The following MBLAC2 variants were observed in gnomAD, a reference collection of about 807,000 sequenced individuals.
The protein encoded by MBLAC2 is acyl-coenzyme A thioesterase MBLAC2.
A neutral mutation model predicts 23.3 loss-of-function variants in MBLAC2; 24 were observed. The ratio of observed to expected loss-of-function variants is 1.03; its 90% CI spans 0.75 to 1.45. The LOEUF (loss-of-function observed/expected upper bound fraction) is 1.45, where lower values mean the gene tolerates loss of function less well. Ranked by LOEUF, MBLAC2 falls within the 40% of genes most tolerant of loss-of-function variation. The pLI, the probability that MBLAC2 is intolerant of heterozygous loss-of-function variation, is 0.00. For synonymous variants in MBLAC2, 162 were observed against 150.9 expected (o/e 1.07, Z -0.54); for missense variants, 358 against 370.0 (o/e 0.97, Z 0.27).
chr5:90,473,580 G>A (rs1453309012), intron 1 of MBLAC2: 1 of 656,110 alleles, frequency 1.5e-6, no homozygotes, highest in South Asian at 1.7e-5. Flanking sequence ...AGTGGCTAGG[G>A]AGGGGGTGGT....
At chr5:90,470,231 G>T (rs1473972880) in intron 1 of MBLAC2, among the ~76,000 whole-genome samples, 4 of 152,148 alleles carry the variant, frequency 2.6e-5, no homozygotes, top group Non-Finnish European at 5.9e-5. Flanking sequence ...GGAATGAAGA[G>T]ATTGGTTAAT....
intron 1 of MBLAC2, among the ~76,000 whole-genome samples, chr5:90,472,215 A>AT (rs1169834533): frequency 2.6e-5 from 4 of 152,334 alleles, no homozygotes; most frequent in Admixed American, 2.0e-4. Context: ...CTTTTCAACA[A>AT]TTTAAGTATA....
In MBLAC2 at chr5:90,458,710, G is replaced by A. The variant is rs1162184797; in HGVS notation, c.*2457C>T. Reference sequence around the variant, plus strand: ...AGAGAAGTGTGGGGCAGACAGACCTGTGTTCAGTTACTAGCTTTGTCCAAA... The same window carrying A: ...AGAGAAGTGTGGGGCAGACAGACCTATGTTCAGTTACTAGCTTTGTCCAAA... On this transcript the variant is annotated 3_prime_UTR_variant, in exon 2 of 2. Transcript: ENST00000316610. 2 of 152,178 alleles carry A rather than the reference G, an allele frequency of 1.3e-5. No individual in the cohort carries two copies. Among genetic ancestry groups the A allele is most frequent in the East Asian group, 1.9e-4 (1 of 5,204 alleles). 9.4% of individuals were successfully genotyped at this position (152,178 alleles called of 1,614,324 possible). A position where few individuals can be genotyped will look rare whatever the true frequency, so the allele number is the denominator to read the frequency against.
chr5:90,459,386 A>G lies in MBLAC2; in HGVS notation c.*1781T>C, dbSNP rs530764699. 1 of 152,248 alleles carries G rather than the reference A, an allele frequency of 6.6e-6. No homozygotes were observed. Among genetic ancestry groups the G allele is most frequent in the South Asian group, 2.1e-4 (1 of 4,824 alleles). The allele number at this position is 152,248 out of a possible 1,614,324, so 9.4% of individuals were successfully genotyped here. On this transcript the variant is annotated 3_prime_UTR_variant, in exon 2 of 2. Transcript: ENST00000316610. Reference sequence around the variant, plus strand: ...CACAAATCAATTTTTCTCATGCTAAATATGTGATGTTTGGAATATACTGGA... The same window carrying G: ...CACAAATCAATTTTTCTCATGCTAAGTATGTGATGTTTGGAATATACTGGA...
At chr5:90,465,362 A>G (rs968885149) in intron 1 of MBLAC2, among the ~76,000 whole-genome samples, 2 of 152,182 alleles carry the variant, frequency 1.3e-5, no homozygotes, top group African/African-American at 4.8e-5. Flanking sequence ...GACCTCAATA[A>G]AAGGAGAGAT....
chr5:90,467,578 T>A (rs942709505), intron 1 of MBLAC2, among the ~76,000 whole-genome samples: 1 of 152,166 alleles, frequency 6.6e-6, no homozygotes, highest in Non-Finnish European at 1.5e-5. Flanking sequence ...ATGTGTTAGG[T>A]GAGTTTCCTG....
In MBLAC2 at chr5:90,474,372, G is replaced by A; in HGVS notation, c.-80C>T. The A allele has an allele frequency of 1.5e-6, 2 of 1,296,754 alleles. No individual in the cohort carries two copies. Among genetic ancestry groups the A allele is most frequent in the African/African-American group, 1.5e-5 (1 of 68,112 alleles). The allele number at this position is 1,296,754 out of a possible 1,614,324, so 80.3% of individuals were successfully genotyped here. A position where few individuals can be genotyped will look rare whatever the true frequency, so the allele number is the denominator to read the frequency against. On this transcript the variant is annotated 5_prime_UTR_variant, in exon 1 of 2. Coordinates refer to ENST00000316610, the MANE Select transcript of MBLAC2 (RefSeq NM_203406.2). ...GGCTGTCCACACACAGGGCACTGCG[G>A]CTGTGTGAAGCGGTCTGCCTGCAGC...
chr5:90,472,255 C>T (rs372701993), intron 1 of MBLAC2, among the ~76,000 whole-genome samples: 1 of 152,048 alleles, frequency 6.6e-6, no homozygotes, highest in Non-Finnish European at 1.5e-5. Flanking sequence ...ATTTTTGATC[C>T]GGGTGTCAGA....
chr5:90,459,287 T>C lies in MBLAC2; in HGVS notation c.*1880A>G, dbSNP rs1170382912. The C allele has an allele frequency of 1.3e-5, 2 of 152,520 alleles. No homozygotes were observed. Among genetic ancestry groups the C allele is most frequent in the East Asian group, 1.9e-4 (1 of 5,184 alleles). 9.4% of individuals were successfully genotyped at this position (152,520 alleles called of 1,614,324 possible). On this transcript the variant is annotated 3_prime_UTR_variant, in exon 2 of 2. Transcript: ENST00000316610. ...GAACCAATCATACCCTCCTTTTTGA[T>C]TGAAGTAAAGGTTCATTTGGTGGCA...
chr5:90,474,673 C>G lies in MBLAC2; in HGVS notation c.-381G>C, dbSNP rs1181485485. 3.6e-6 allele frequency: 1 copy of G among 279,280 alleles called. No individual in the cohort carries two copies. The highest frequency in any genetic ancestry group is 6.8e-6 in the Non-Finnish European group (1 of 146,138). 17.3% of individuals were successfully genotyped at this position (279,280 alleles called of 1,614,324 possible). Reference sequence around the variant, plus strand: ...CCCCGGGCGTGTGACAGCAGAGGCCCGCAGTGAGGGTGGGAAGAGCTAGAA... The same window carrying G: ...CCCCGGGCGTGTGACAGCAGAGGCCGGCAGTGAGGGTGGGAAGAGCTAGAA... On this transcript the variant is annotated 5_prime_UTR_variant, in exon 1 of 2. Coordinates refer to ENST00000316610, the MANE Select transcript of MBLAC2 (RefSeq NM_203406.2).
At chr5:90,466,513 C>T (rs1580181173) in intron 1 of MBLAC2, among the ~76,000 whole-genome samples, 1 of 152,192 alleles carries the variant, frequency 6.6e-6, no homozygotes, top group South Asian at 2.1e-4. Flanking sequence ...GCTAACTGGA[C>T]TTCAAGTTAT....
chr5:90,467,018 T>C (rs1750458481), intron 1 of MBLAC2, among the ~76,000 whole-genome samples: 1 of 152,186 alleles, frequency 6.6e-6, no homozygotes. Context: ...ATGCCTGTAA[T>C]TCCAGCTACT....
In MBLAC2 at chr5:90,474,591, C is replaced by A. The variant is rs1244736067; in HGVS notation, c.-299G>T. Reference sequence around the variant, plus strand: ...CCTCGGCAGCCGCACCACGAGAGAGCTTTAACGCAGGGGCCACTGCAGCAG... The same window carrying A: ...CCTCGGCAGCCGCACCACGAGAGAGATTTAACGCAGGGGCCACTGCAGCAG... On this transcript the variant is annotated 5_prime_UTR_variant, in exon 1 of 2. Transcript: ENST00000316610. The A allele has an allele frequency of 6.9e-6, 3 of 434,786 alleles. No homozygotes were observed. The highest frequency in any genetic ancestry group is 2.1e-5 in the African/African-American group (1 of 48,736). 26.9% of individuals were successfully genotyped at this position (434,786 alleles called of 1,614,324 possible).
At position 90,474,586 on chromosome 5, in the gene MBLAC2, G is replaced by C. The variant is rs750189733; in HGVS notation, c.-294C>G. ...CGCAGCCTCGGCAGCCGCACCACGA[G>C]AGAGCTTTAACGCAGGGGCCACTGC... On this transcript the variant is annotated 5_prime_UTR_variant, in exon 1 of 2. Coordinates refer to ENST00000316610, the MANE Select transcript of MBLAC2 (RefSeq NM_203406.2). 2.2e-6 allele frequency: 1 copy of C among 448,970 alleles called. No homozygotes were observed. The highest frequency in any genetic ancestry group is 4.0e-6 in the Non-Finnish European group (1 of 248,208). 27.8% of individuals were successfully genotyped at this position (448,970 alleles called of 1,614,324 possible).
chr5:90,470,540 C>G (rs1357481633), intron 1 of MBLAC2, among the ~76,000 whole-genome samples: 2 of 152,022 alleles, frequency 1.3e-5, no homozygotes, highest in African/African-American at 2.4e-5. Context: ...GCCTGGTGAC[C>G]AAGGCTTCAC....
At chr5:90,473,726 G>T in intron 1 of MBLAC2, 113 bp downstream of exon 1, 1 of 1,047,200 alleles carries the variant, frequency 9.5e-7, no homozygotes, top group Non-Finnish European at 1.4e-6. Context: ...GGCTCTGCGA[G>T]GTGCCAAAAT....
chr5:90,467,747 G>A (rs377275176), intron 1 of MBLAC2, among the ~76,000 whole-genome samples: 6 of 105,518 alleles, frequency 5.7e-5, no homozygotes, highest in African/African-American at 1.7e-4. Context: ...TCTTTTTTTG[G>A]GGGGGGCGGT....
rs1324032427 is a variant in MBLAC2 at position 90,474,151 on chromosome 5, G to C, written c.142C>G (p.Leu48Val). The change falls in exon 1 of 2, where the codon CTG becomes GTG. Residue 48 changes from leucine (L) to valine (V), a missense_variant. Leu to Val is a conservative substitution (Grantham distance 32). Transcript: ENST00000316610. ...SEQDVVIDTGLGLRSLPEYLY... is the reference protein window; with the variant it reads ...SEQDVVIDTGVGLRSLPEYLY... ...TACTCCGGGAGGCTGCGCAGCCCCA[G>C]GCCTGTATCGATCACCACGTCCTGC... The C allele has an allele frequency of 1.3e-6, 2 of 1,595,756 alleles. No individual in the cohort carries two copies. Among genetic ancestry groups the C allele is most frequent in the Non-Finnish European group, 1.7e-6 (2 of 1,171,072 alleles).
At chr5:90,464,959 C>G (rs967675086) in intron 1 of MBLAC2, among the ~76,000 whole-genome samples, 1 of 152,114 alleles carries the variant, frequency 6.6e-6, no homozygotes, top group Admixed American at 6.5e-5. Flanking sequence ...GATAACAAGG[C>G]AAGGATGTCT....
Sources: allele counts gnomAD v4.1 joint callset (sites outside exome capture counted in the v4.1 genomes callset), GRCh38; gene constraint gnomAD v4.1.1; transcripts MANE v1.5; gene names NCBI Gene and HGNC (gene_info 2026-07-23, HGNC 2026-07-21).